The following PEX14 variants were observed in gnomAD, a reference collection of about 807,000 sequenced individuals.
The protein encoded by PEX14 is peroxisomal membrane protein PEX14.
In PEX14, 15 loss-of-function variants were observed where a neutral mutation model predicts 49.5. The observed-to-expected ratio is 0.30, with a 90% CI of 0.20 to 0.47. PEX14 has a LOEUF of 0.47. PEX14 is among the 20% of genes least tolerant of loss of function. PEX14 has a pLI of 1.00. For synonymous variants in PEX14, 210 were observed against 212.7 expected (o/e 0.99, Z 0.11); for missense variants, 398 against 494.8 (o/e 0.80, Z 1.86).
chr1:10,491,662 T>C (rs1402100659), intron 1 of PEX14, among the ~76,000 whole-genome samples: 1 of 145,852 alleles, frequency 6.9e-6, no homozygotes, highest in East Asian at 2.0e-4. Flanking sequence ...TAAGCCACAC[T>C]TGGCCATGCT....
chr1:10,535,054 G>A (rs1320084296), intron 2 of PEX14, among the ~76,000 whole-genome samples: 1 of 152,200 alleles, frequency 6.6e-6, no homozygotes, highest in African/African-American at 2.4e-5. Flanking sequence ...CTTACATCTA[G>A]CCTTAGAAAT....
Position 10,613,333 on chromosome 1 carries a change from C to T in PEX14, c.299-4999C>T, listed in dbSNP as rs967956012. On this transcript the variant is annotated intron_variant, in intron 4 of 8. Transcript: ENST00000356607. This position sits in a 1 kb window ranked among gnomAD's most constrained non-coding sequence, Gnocchi z 5.0. ...TGTGGGGATGCACCTCTCCTGCCCC[C>T]GCTCTACCATGGTTTTACCCAAACT... Among the ~76,000 whole-genome samples the T allele has an allele frequency of 5.3e-5, 8 of 152,174 alleles. No individual in the cohort carries two copies. Among genetic ancestry groups the T allele is most frequent in the Admixed American group, 1.3e-4 (2 of 15,282 alleles).
chr1:10,562,822 C>A (rs1440150406), intron 3 of PEX14, among the ~76,000 whole-genome samples: 1 of 152,080 alleles, frequency 6.6e-6, no homozygotes, highest in Admixed American at 6.6e-5. Flanking sequence ...GCTAATGATT[C>A]CTCACTGAAT....
intron 3 of PEX14, among the ~76,000 whole-genome samples, chr1:10,577,558 ATATATTTTTTTTTTTTTTTTTTTTTTTT>A (rs1557854859): frequency 4.6e-3 from 24 of 5,254 alleles, no homozygotes; most frequent in Middle Eastern, 0.17. Flanking sequence ...ATATATATAT[ATATATTTTTTTTTTTTTTTTTTTTTTTT>A]TTTTTTTTTT....
At chr1:10,552,950 C>T (rs755311950) in intron 3 of PEX14, among the ~76,000 whole-genome samples, 6 of 151,998 alleles carry the variant, frequency 3.9e-5, no homozygotes, top group Admixed American at 1.3e-4. Context: ...GCCACTAAGG[C>T]GAGAGATCGA....
chr1:10,485,299 GTT>G lies in PEX14; in HGVS notation c.37-9952_37-9951del, dbSNP rs941970919. ...GTGTAGTGTTATTTATTTGTGTGTG[GTT>G]TTTTTTTTTTTTTTTTTTTTTTAAG... On this transcript the variant is annotated intron_variant, in intron 1 of 8. Coordinates refer to ENST00000356607, the MANE Select transcript of PEX14 (RefSeq NM_004565.3). 9.6e-3 allele frequency among the ~76,000 whole-genome samples: 965 copies of G among 100,684 alleles called. 21 individuals are homozygous for G. Among genetic ancestry groups the G allele is most frequent in the Middle Eastern group, 0.059 (10 of 170 alleles). The allele number at this position is 100,684 out of a possible 152,430, so 66.1% of individuals were successfully genotyped here.
rs1010171381 is a variant in PEX14 at position 10,514,137 on chromosome 1, T to C, written c.84+18816T>C. 1.3e-5 allele frequency among the ~76,000 whole-genome samples: 2 copies of C among 149,596 alleles called. No homozygotes were observed. The highest frequency in any genetic ancestry group is 5.0e-5 in the African/African-American group (2 of 40,402). On this transcript the variant is annotated intron_variant, in intron 2 of 8. Coordinates refer to ENST00000356607, the MANE Select transcript of PEX14 (RefSeq NM_004565.3). This position sits in a 1 kb window ranked among gnomAD's most constrained non-coding sequence, Gnocchi z 4.4. ...GGAAATAGAAAAAAAGGAAAAAATG[T>C]ATAAAATAATCTATGCCTCTGTGTG... is the stretch of plus-strand genomic sequence containing the variant.
intron 4 of PEX14, among the ~76,000 whole-genome samples, chr1:10,605,641 C>T (rs1557869452): frequency 1.3e-5 from 2 of 152,202 alleles, no homozygotes; most frequent in East Asian, 3.8e-4. Flanking sequence ...AGAAAGCATG[C>T]ATGGGTGGCC....
chr1:10,617,756 A>G (rs2124631985), intron 4 of PEX14, among the ~76,000 whole-genome samples: 1 of 148,272 alleles, frequency 6.7e-6, no homozygotes. Flanking sequence ...AGCCTTGCTC[A>G]GTCATTTGGA....
intron 1 of PEX14, among the ~76,000 whole-genome samples, chr1:10,492,850 G>A (rs1315244737): frequency 6.6e-6 from 1 of 152,222 alleles, no homozygotes; most frequent in Non-Finnish European, 1.5e-5. Context: ...TCTGGTGAGA[G>A]AGACAGGCAT....
chr1:10,524,698 T>G (rs552335244), intron 2 of PEX14, among the ~76,000 whole-genome samples: 1 of 152,072 alleles, frequency 6.6e-6, no homozygotes, highest in Admixed American at 6.5e-5. Flanking sequence ...GATTGATTGA[T>G]TGATTGATTT....
At chr1:10,562,403 C>T (rs905457532) in intron 3 of PEX14, among the ~76,000 whole-genome samples, 3 of 152,156 alleles carry the variant, frequency 2.0e-5, no homozygotes, top group South Asian at 2.1e-4. Context: ...AATCCATGAT[C>T]GTGAGTTGCA....
intron 4 of PEX14, among the ~76,000 whole-genome samples, chr1:10,605,344 T>C (rs940434792): frequency 6.6e-6 from 1 of 152,200 alleles, no homozygotes; most frequent in South Asian, 2.1e-4. Flanking sequence ...CTGTTCATCG[T>C]AGAGGGAAGC....
In PEX14 at chr1:10,630,104, G is replaced by A. The variant is rs1641879952; in HGVS notation, c.*117G>A. On this transcript the variant is annotated 3_prime_UTR_variant, in exon 9 of 9. Coordinates refer to ENST00000356607, the MANE Select transcript of PEX14 (RefSeq NM_004565.3). The surrounding 1 kb of genome is among the most constrained non-coding windows in gnomAD (Gnocchi z 4.1). The stretch of plus-strand genomic sequence containing the variant: ...GCTTGGAGCCCAGGTAGGGGGCAGA[G>A]CTGTCCTCAGCTGCACTGCGGCCTG... The A allele has an allele frequency of 2.0e-5, 30 of 1,473,758 alleles. No individual in the cohort carries two copies. In the South Asian group the frequency reaches 3.3e-4, roughly 16 times the overall value. The allele number at this position is 1,473,758 out of a possible 1,614,324, so 91.3% of individuals were successfully genotyped here. A position where few individuals can be genotyped will look rare whatever the true frequency, so the allele number is the denominator to read the frequency against.
intron 1 of PEX14, among the ~76,000 whole-genome samples, chr1:10,492,209 G>A (rs559030570): frequency 3.5e-4 from 53 of 152,254 alleles, no homozygotes; most frequent in African/African-American, 1.2e-3. Context: ...TTTTCCCTCT[G>A]GTAAATACTA....
At chr1:10,534,389 T>C (rs1190045916) in intron 2 of PEX14, among the ~76,000 whole-genome samples, 1 of 151,900 alleles carries the variant, frequency 6.6e-6, no homozygotes. Flanking sequence ...TCTCTCCTTT[T>C]CCCCCTCTCT....
At chr1:10,515,623 T>G (rs1252194302) in intron 2 of PEX14, among the ~76,000 whole-genome samples, 1 of 152,230 alleles carries the variant, frequency 6.6e-6, no homozygotes. Flanking sequence ...TCTACTCCTG[T>G]GCTTCTAATT....
At chr1:10,552,808 G>A (rs946967715) in intron 3 of PEX14, among the ~76,000 whole-genome samples, 3 of 152,154 alleles carry the variant, frequency 2.0e-5, no homozygotes, top group South Asian at 2.1e-4. Flanking sequence ...AACTAGTGGC[G>A]AAGAGGTTAA....
intron 2 of PEX14, among the ~76,000 whole-genome samples, chr1:10,532,969 G>A (rs1185313758): frequency 2.0e-5 from 3 of 152,112 alleles, no homozygotes; most frequent in African/African-American, 7.2e-5. Flanking sequence ...AAAGAGTTTT[G>A]CAAAATCTTC....
Sources: allele counts gnomAD v4.1 joint callset (sites outside exome capture counted in the v4.1 genomes callset), GRCh38; gene constraint gnomAD v4.1.1; non-coding constraint Gnocchi (gnomAD v3.1); transcripts MANE v1.5; gene names NCBI Gene and HGNC (gene_info 2026-07-23, HGNC 2026-07-21).